The following EYA1 variants were observed in gnomAD, a reference collection of about 807,000 sequenced individuals.
EYA1 encodes EYA transcriptional coactivator and phosphatase 1.
A neutral mutation model predicts 82.0 loss-of-function variants in EYA1; 16 were observed. The ratio of observed to expected loss-of-function variants is 0.20; its 90% CI spans 0.13 to 0.30. The LOEUF (loss-of-function observed/expected upper bound fraction) is 0.30. Among genes scored for constraint, EYA1 ranks in the 10% least tolerant of loss-of-function variants. The probability of loss-of-function intolerance (pLI) is 1.00; values close to 1 mark genes in which losing one functional copy is unlikely to be tolerated. For synonymous variants in EYA1, 261 were observed against 264.4 expected (o/e 0.99, Z 0.12); for missense variants, 633 against 730.7 (o/e 0.87, Z 1.54).
rs550888570 is a variant in EYA1 at position 71,205,798 on chromosome 8, T to C, written c.1698+5358A>G. Among the ~76,000 whole-genome samples the C allele has an allele frequency of 1.2e-4, 19 of 152,260 alleles. No individual in the cohort carries two copies. The South Asian group carries it at 3.9e-3, about 32-fold the overall frequency. ...AGTAACAATCTCTAGCAAAAGAACATTATTTAAGGAGATGACAGATCTCTA... is the reference window on the plus strand; with the variant it reads ...AGTAACAATCTCTAGCAAAAGAACACTATTTAAGGAGATGACAGATCTCTA... On this transcript the variant is annotated intron_variant, in intron 17 of 17. Transcript: ENST00000340726.
chr8:71,378,331 A>C (rs1380548282), intron 2 of EYA1, among the ~76,000 whole-genome samples: 1 of 152,148 alleles, frequency 6.6e-6, no homozygotes, highest in Admixed American at 6.5e-5. Flanking sequence ...GTAGGCACTG[A>C]TTGCTAGAAA....
intron 2 of EYA1, among the ~76,000 whole-genome samples, chr8:71,393,743 A>C (rs749174617): frequency 6.6e-6 from 1 of 152,196 alleles, no homozygotes; most frequent in Non-Finnish European, 1.5e-5. Flanking sequence ...GAATAGTGCC[A>C]CAATAAACAT....
At chr8:71,208,548 C>T (rs1018308970) in intron 17 of EYA1, among the ~76,000 whole-genome samples, 50 of 152,118 alleles carry the variant, frequency 3.3e-4, no homozygotes, top group African/African-American at 1.1e-3. Context: ...GTCCGCTCTA[C>T]CAACAAAATG....
intron 2 of EYA1, among the ~76,000 whole-genome samples, chr8:71,520,392 G>C (rs1813307309): frequency 1.3e-5 from 2 of 152,208 alleles, no homozygotes; most frequent in Non-Finnish European, 2.9e-5. Context: ...GCGGAACAAT[G>C]GTCCAGAAAA....
intron 1 of EYA1, among the ~76,000 whole-genome samples, chr8:71,358,614 T>C (rs1397960318): frequency 1.2e-4 from 18 of 152,210 alleles, no homozygotes; most frequent in Admixed American, 1.1e-3. Context: ...TAGACACAGA[T>C]GTGAGCAAAA....
chr8:71,208,861 T>G (rs1808168439), intron 17 of EYA1, among the ~76,000 whole-genome samples: 1 of 152,238 alleles, frequency 6.6e-6, no homozygotes, highest in African/African-American at 2.4e-5. Context: ...GAAGTCAAAC[T>G]TCTAAGAATT....
intron 11 of EYA1, among the ~76,000 whole-genome samples, chr8:71,266,338 G>A (rs1353310953): frequency 1.3e-5 from 2 of 151,932 alleles, no homozygotes; most frequent in African/African-American, 4.8e-5. Flanking sequence ...CAAAAGGACT[G>A]CAAGACACTC....
intron 2 of EYA1, among the ~76,000 whole-genome samples, chr8:71,392,891 C>T (rs1410968884): frequency 1.3e-5 from 2 of 151,776 alleles, no homozygotes; most frequent in Non-Finnish European, 2.9e-5. Context: ...TACTCAATCT[C>T]CTCATTTTTC....
At chr8:71,381,094 A>C (rs1313902430) in intron 2 of EYA1, among the ~76,000 whole-genome samples, 1 of 152,222 alleles carries the variant, frequency 6.6e-6, no homozygotes, top group African/African-American at 2.4e-5. Context: ...AAAGATTATC[A>C]AAGCTCGAAT....
chr8:71,296,447 A>G (rs1249334527), intron 9 of EYA1, among the ~76,000 whole-genome samples: 1 of 150,938 alleles, frequency 6.6e-6, no homozygotes, highest in Non-Finnish European at 1.5e-5. Flanking sequence ...TCTAAGAACA[A>G]TGCAGGAACA....
chr8:71,349,215 G>A (rs367840842), intron 3 of EYA1, among the ~76,000 whole-genome samples: 2 of 152,102 alleles, frequency 1.3e-5, no homozygotes. Context: ...CTTCAAGACC[G>A]GACTATAACC....
At chr8:71,266,470 C>A (rs1055768843) in intron 11 of EYA1, among the ~76,000 whole-genome samples, 3 of 152,094 alleles carry the variant, frequency 2.0e-5, no homozygotes, top group Admixed American at 2.0e-4. Flanking sequence ...ATGAGGAAAT[C>A]ATTAAGTAGA....
At chr8:71,267,482 T>C (rs1815981862) in intron 11 of EYA1, among the ~76,000 whole-genome samples, 1 of 152,200 alleles carries the variant, frequency 6.6e-6, no homozygotes, top group Middle Eastern at 3.2e-3. Flanking sequence ...ACACTTATAT[T>C]TAAGAAACTC....
At chr8:71,242,936 C>G (rs1410978449) in intron 12 of EYA1, among the ~76,000 whole-genome samples, 2 of 149,972 alleles carry the variant, frequency 1.3e-5, no homozygotes, top group East Asian at 1.9e-4. Context: ...GGCCACCACA[C>G]CCAGCTAATT....
At chr8:71,262,561 G>T (rs893462590) in intron 11 of EYA1, among the ~76,000 whole-genome samples, 10 of 152,176 alleles carry the variant, frequency 6.6e-5, no homozygotes, top group African/African-American at 2.4e-4. Flanking sequence ...AGGCCACAGA[G>T]CAAGGGAGGT....
chr8:71,295,208 A>G (rs1819469860), intron 9 of EYA1, among the ~76,000 whole-genome samples: 1 of 152,166 alleles, frequency 6.6e-6, no homozygotes, highest in Non-Finnish European at 1.5e-5. Flanking sequence ...GAGCAAAGGC[A>G]TGATCCATGA....
intron 2 of EYA1, among the ~76,000 whole-genome samples, chr8:71,454,112 G>C (rs1292646309): frequency 6.6e-6 from 1 of 152,016 alleles, no homozygotes; most frequent in Non-Finnish European, 1.5e-5. Context: ...AAAAGCAGGG[G>C]TTACAATCCT....
chr8:71,337,754 G>C (rs1824663628), intron 3 of EYA1, among the ~76,000 whole-genome samples: 1 of 152,184 alleles, frequency 6.6e-6, no homozygotes, highest in Non-Finnish European at 1.5e-5. Context: ...ATTAAAAGTA[G>C]CAGTAGCAAT....
intron 9 of EYA1, among the ~76,000 whole-genome samples, chr8:71,276,400 C>A (rs748998267): frequency 2.4e-4 from 37 of 152,144 alleles, no homozygotes; most frequent in Non-Finnish European, 5.1e-4. Context: ...CTTTTGATCT[C>A]CTGACCTGAG....
Sources: gnomAD v4.1 joint callset for allele counts (sites outside exome capture counted in the v4.1 genomes callset) on GRCh38, gnomAD v4.1.1 for gene constraint, MANE v1.5 for transcripts, NCBI Gene and HGNC (gene_info 2026-07-23, HGNC 2026-07-21) for gene names.